The following NKIRAS1 variants were observed in gnomAD, a reference collection of about 807,000 sequenced individuals.
NKIRAS1 encodes NF-kappa-B inhibitor-interacting Ras-like protein 1.
NKIRAS1 carries 16 observed loss-of-function variants against 19.8 expected under a neutral mutation model. The ratio of observed to expected loss-of-function variants is 0.81; its 90% CI spans 0.55 to 1.23. NKIRAS1 has a LOEUF of 1.23. NKIRAS1 is among the 50% of genes most tolerant of loss of function. The probability of loss-of-function intolerance (pLI) is 0.00; values close to 1 mark genes in which losing one functional copy is unlikely to be tolerated. For synonymous variants in NKIRAS1, 88 were observed against 79.0 expected, an observed-to-expected ratio of 1.11 and a Z score of -0.61; for missense variants, 184 against 220.0, an observed-to-expected ratio of 0.84 and a Z score of 1.04.
chr3:23,929,000 A>G (rs757859241), intron 1 of NKIRAS1, among the ~76,000 whole-genome samples: 8 of 68,164 alleles, frequency 1.2e-4, no homozygotes, highest in South Asian at 4.2e-4. Context: ...CCATCTCTTT[A>G]AAAAAAAAAA....
intron 3 of NKIRAS1, among the ~76,000 whole-genome samples, chr3:23,909,460 G>A (rs1219893434): frequency 1.3e-5 from 2 of 152,206 alleles, no homozygotes; most frequent in Non-Finnish European, 2.9e-5. Context: ...CTGGGAGGCG[G>A]AAGTTGCAGT....
intron 1 of NKIRAS1, among the ~76,000 whole-genome samples, chr3:23,936,585 C>T (rs532277112): frequency 6.6e-6 from 1 of 152,074 alleles, no homozygotes; most frequent in East Asian, 1.9e-4. Context: ...CTCCCTCTGT[C>T]GCCCAGGCTG....
At chr3:23,919,724 T>C, upstream of NKIRAS1, 1 of 1,357,758 alleles carries the variant, frequency 7.4e-7, no homozygotes, top group Non-Finnish European at 9.4e-7. Flanking sequence ...TATTAGGGAG[T>C]TGTATGTCAG....
intron 4 of NKIRAS1, among the ~76,000 whole-genome samples, chr3:23,899,273 G>A (rs1032952864): frequency 9.2e-5 from 14 of 152,128 alleles, no homozygotes; most frequent in African/African-American, 3.4e-4. Context: ...ACACAAATAC[G>A]GTGGTTATGA....
intron 3 of NKIRAS1, among the ~76,000 whole-genome samples, chr3:23,910,391 G>A (rs1210504871): frequency 1.4e-5 from 2 of 146,440 alleles, no homozygotes; most frequent in African/African-American, 5.1e-5. Context: ...CTGACATCAG[G>A]TGATCCGCCT....
chr3:23,912,870 G>C (rs139337659), intron 1 of NKIRAS1, among the ~76,000 whole-genome samples: 2,098 of 151,942 alleles, frequency 0.014, 56 homozygotes, highest in African/African-American at 0.048. Context: ...TGTAATCCCA[G>C]CACTTTGGGA....
In NKIRAS1 at chr3:23,892,344, C is replaced by G. The variant is rs142956111; in HGVS notation, c.*751G>C. ...TTCTAGAAAACTATTCCAGAAGATA[C>G]AGTCTTCCTTCCAGAAAATACAGCT... On this transcript the variant is annotated 3_prime_UTR_variant, in exon 5 of 5. Coordinates refer to ENST00000425478, the MANE Select transcript of NKIRAS1 (RefSeq NM_020345.4). 1.3e-5 allele frequency: 2 copies of G among 152,252 alleles called. No individual in the cohort carries two copies. The highest frequency in any genetic ancestry group is 6.5e-5 in the Admixed American group (1 of 15,294). 9.4% of individuals were successfully genotyped at this position (152,252 alleles called of 1,614,324 possible). A position where few individuals can be genotyped will look rare whatever the true frequency, so the allele number is the denominator to read the frequency against.
intron 1 of NKIRAS1, among the ~76,000 whole-genome samples, chr3:23,940,167 C>CAAAA (rs1559517464): frequency 4.9e-4 from 14 of 28,858 alleles, no homozygotes; most frequent in Admixed American, 8.3e-4. Flanking sequence ...CCCATCTCTA[C>CAAAA]CAAAAAAAAA....
chr3:23,902,159 C>T (rs574759996), intron 3 of NKIRAS1, among the ~76,000 whole-genome samples: 1 of 152,250 alleles, frequency 6.6e-6, no homozygotes, highest in South Asian at 2.1e-4. Flanking sequence ...TATACCCCCC[C>T]CAATCATACT....
intron 1 of NKIRAS1, among the ~76,000 whole-genome samples, chr3:23,931,801 G>A (rs914583222): frequency 2.0e-5 from 3 of 152,086 alleles, no homozygotes; most frequent in African/African-American, 7.2e-5. Context: ...CCCAAATTTG[G>A]TTTCTTGCCT....
In NKIRAS1 at chr3:23,931,634, T is replaced by C. The variant is rs72627089; in HGVS notation, c.-140+14689A>G. 3.6e-3 allele frequency among the ~76,000 whole-genome samples: 547 copies of C among 152,270 alleles called. 15 individuals are homozygous for C. In the East Asian group the frequency reaches 0.05, roughly 14 times the overall value. ...CCCCAGAGGTTTTAAGTTTAATGCA[T>C]TCATTTTCTGTTTGTTTTGTCCACC... On this transcript the variant is annotated intron_variant, in intron 1 of 4. Coordinates refer to the NKIRAS1 transcript ENST00000421515.
At chr3:23,905,120 T>G (rs1702896755) in intron 3 of NKIRAS1, among the ~76,000 whole-genome samples, 1 of 152,198 alleles carries the variant, frequency 6.6e-6, no homozygotes, top group South Asian at 2.1e-4. Flanking sequence ...TGAGCCACCA[T>G]GCCTGGCCTG....
At chr3:23,918,212 G>A (rs1024338816), upstream of NKIRAS1, 1 of 956,144 alleles carries the variant, frequency 1.0e-6, no homozygotes, top group South Asian at 1.8e-5. Context: ...GTGTGTCAAA[G>A]GTTACAAATC....
intron 4 of NKIRAS1, among the ~76,000 whole-genome samples, chr3:23,895,502 C>T (rs1046217566): frequency 1.3e-5 from 2 of 152,110 alleles, no homozygotes; most frequent in Non-Finnish European, 2.9e-5. Flanking sequence ...CCTCCCTACC[C>T]AGCTTAGATT....
intron 1 of NKIRAS1, among the ~76,000 whole-genome samples, chr3:23,928,127 CAT>C (rs1416434387): frequency 3.0e-4 from 40 of 132,606 alleles, no homozygotes; most frequent in African/African-American, 8.5e-4. Flanking sequence ...CACACACACA[CAT>C]ACACACACAC....
At chr3:23,914,411 TACTG>T (rs1704087803) in intron 1 of NKIRAS1, among the ~76,000 whole-genome samples, 1 of 152,202 alleles carries the variant, frequency 6.6e-6, no homozygotes, top group Non-Finnish European at 1.5e-5. Flanking sequence ...TCTCTAAAAA[TACTG>T]TCATGTGGGG....
At chr3:23,919,351 C>A (rs1199118032), upstream of NKIRAS1, 2 of 1,602,506 alleles carry the variant, frequency 1.2e-6, no homozygotes, top group Admixed American at 1.7e-5. Context: ...CCAAACCAGT[C>A]CACAAGCACA....
chr3:23,929,616 T>C (rs1245169532), intron 1 of NKIRAS1, among the ~76,000 whole-genome samples: 1 of 151,828 alleles, frequency 6.6e-6, no homozygotes, highest in Non-Finnish European at 1.5e-5. Context: ...TTGTTGTTTT[T>C]GTTTTTGTAG....
chr3:23,921,088 G>C (rs1011460498), upstream of NKIRAS1: 1 of 152,684 alleles, frequency 6.5e-6, no homozygotes, highest in African/African-American at 2.4e-5. Flanking sequence ...AGACAAGCTG[G>C]AGGATTTGTT....
Sources: allele counts gnomAD v4.1 joint callset (sites outside exome capture counted in the v4.1 genomes callset), GRCh38; gene constraint gnomAD v4.1.1; transcripts MANE v1.5; gene names NCBI Gene and HGNC (gene_info 2026-07-23, HGNC 2026-07-21).